The following ZNF282 variants were observed in gnomAD, a reference collection of about 807,000 sequenced individuals.
ZNF282 encodes the protein zinc finger protein 282, also known as HTLV-I U5 repressive element-binding protein 1.
ZNF282 carries 30 observed loss-of-function variants against 61.9 expected under a neutral mutation model. The observed-to-expected ratio is 0.48, with a 90% CI of 0.36 to 0.66. ZNF282 has a LOEUF of 0.66. Ranked by LOEUF, ZNF282 falls within the 30% of genes least tolerant of loss-of-function variation. The probability of loss-of-function intolerance (pLI) is 0.00; values close to 1 mark genes in which losing one functional copy is unlikely to be tolerated. For missense variants in ZNF282, 788 were observed against 941.4 expected, an observed-to-expected ratio of 0.84 and a Z score of 2.13; for synonymous variants, 396 against 405.0, an observed-to-expected ratio of 0.98 and a Z score of 0.27.
At chr7:149,201,926 T>A (rs1795917844) in intron 2 of ZNF282, among the ~76,000 whole-genome samples, 1 of 152,020 alleles carries the variant, frequency 6.6e-6, no homozygotes, top group African/African-American at 2.4e-5. Context: ...CGCCCCCAGC[T>A]CAGGGACTCT....
intron 2 of ZNF282, among the ~76,000 whole-genome samples, chr7:149,199,201 A>C (rs1038931671): frequency 6.6e-6 from 1 of 152,144 alleles, no homozygotes; most frequent in East Asian, 1.9e-4. Flanking sequence ...GGCCCTTCTT[A>C]AAGTTCAGAA....
intron 7 of ZNF282, among the ~76,000 whole-genome samples, chr7:149,217,142 G>T (rs561003499): frequency 6.6e-6 from 1 of 152,270 alleles, no homozygotes; most frequent in South Asian, 2.1e-4. Context: ...TCACTACATT[G>T]GGTTAAAACA....
intron 2 of ZNF282, among the ~76,000 whole-genome samples, chr7:149,206,182 C>G (rs922018272): frequency 1.7e-4 from 26 of 152,272 alleles, no homozygotes; most frequent in African/African-American, 5.8e-4. Context: ...ACTGTATGCT[C>G]CTTGATGATC....
At chr7:149,206,644 G>T (rs755150238) in intron 2 of ZNF282, 52 bp from the exon 3 acceptor site, 7 of 1,610,476 alleles carry the variant, frequency 4.3e-6, no homozygotes, top group Non-Finnish European at 5.1e-6. Flanking sequence ...AGAAGGGGAG[G>T]TGGTGGGGAG....
rs1795803603 is a variant in ZNF282 at position 149,195,689 on chromosome 7, G to A, written c.100G>A (p.Glu34Lys). 2 of 1,575,354 alleles carry A rather than the reference G, an allele frequency of 1.3e-6. No individual in the cohort carries two copies. The highest frequency in any genetic ancestry group is 1.7e-6 in the Non-Finnish European group (2 of 1,162,604). ...SWSWAQALPP[E>K]EVCHQEPALR... ...GAGCTGGGCCCAGGCTCTGCCCCCG[G>A]AGGAGGTCTGCCACCAGGAGCCGGC... The change falls in exon 1 of 8, where the codon GAG (glutamate) becomes AAG (lysine). Residue 34 changes from glutamate to lysine, a missense_variant. Around this residue, in one of 3 missense-constraint regions of ZNF282, gnomAD observed 137 missense variants for 135.4 expected, o/e 1.01. Transcript: ENST00000610704.
chr7:149,223,552 A>T (rs956140991), intron 7 of ZNF282, among the ~76,000 whole-genome samples: 12 of 152,128 alleles, frequency 7.9e-5, no homozygotes, highest in African/African-American at 2.9e-4. Flanking sequence ...CAGGTCCCCT[A>T]CCCCTTAGCC....
chr7:149,218,206 G>C (rs1202393), intron 7 of ZNF282, among the ~76,000 whole-genome samples: 1 of 152,024 alleles, frequency 6.6e-6, no homozygotes, highest in South Asian at 2.1e-4. Context: ...GATTGGCGGG[G>C]GGTGCGGAGC....
rs748170647 is a variant in ZNF282 at position 149,195,573 on chromosome 7, G to A, written c.-17G>A. 33 of 1,607,882 alleles carry A rather than the reference G, an allele frequency of 2.1e-5. No individual in the cohort carries two copies. Among genetic ancestry groups the A allele is most frequent in the East Asian group, 1.1e-4 (5 of 44,174 alleles). The stretch of plus-strand genomic sequence containing the variant: ...TCTTCTCCCTGGCCGACCCGAGCGG[G>A]GAACAGCACTCCCAGGATGCAGTTT... On this transcript the variant is annotated 5_prime_UTR_variant, in exon 1 of 8. Coordinates refer to ENST00000610704, the MANE Select transcript of ZNF282 (RefSeq NM_003575.4).
chr7:149,200,123 C>G (rs749753875), intron 2 of ZNF282, among the ~76,000 whole-genome samples: 1 of 152,164 alleles, frequency 6.6e-6, no homozygotes, highest in Non-Finnish European at 1.5e-5. Flanking sequence ...TTCAGTTTAT[C>G]TGGAAGGAAT....
rs368489947 is a variant in ZNF282 at position 149,206,829 on chromosome 7, A to C, written c.712+7A>C. ...AAAACCCTCATGTCCCTGGGTAAGG[A>C]CACCTTCTCTCCTCTTTGGTGAGCC... On this transcript the variant is annotated splice_region_variant and intron_variant, in intron 3 of 7. Transcript: ENST00000610704. The C allele has an allele frequency of 1.2e-4, 200 of 1,613,824 alleles. No homozygotes were observed. Among genetic ancestry groups the C allele is most frequent in the South Asian group, 3.5e-4 (32 of 91,086 alleles).
intron 4 of ZNF282, among the ~76,000 whole-genome samples, chr7:149,209,823 A>G (rs1396352358): frequency 6.6e-6 from 1 of 152,092 alleles, no homozygotes. Context: ...TGTAGAGGCT[A>G]TGTCCTTGTC....
rs1192701014 is a variant in ZNF282 at position 149,223,989 on chromosome 7, A to G, written c.1358A>G (p.Gln453Arg). The G allele has an allele frequency of 4.7e-6, 6 of 1,266,904 alleles. No homozygotes were observed. The highest frequency in any genetic ancestry group is 3.0e-4 in the Middle Eastern group (1 of 3,304). The allele number at this position is 1,266,904 out of a possible 1,614,324, so 78.5% of individuals were successfully genotyped here. A position where few individuals can be genotyped will look rare whatever the true frequency, so the allele number is the denominator to read the frequency against. Reference protein sequence around the residue: ...PSRGLLDDGFQVLPGERGSGE... With the variant: ...PSRGLLDDGFRVLPGERGSGE... ...CGAGGGCTGCTGGACGACGGTTTCC[A>G]GGTGCTGCCCGGGGAGCGTGGCTCC... Residue 453 changes from glutamine (Q) to arginine (R), a missense_variant, in exon 8 of 8, where the codon CAG (glutamine) becomes CGG (arginine). Physicochemically the swap from Gln to Arg is conservative, Grantham distance 43. Coordinates refer to ENST00000610704, the MANE Select transcript of ZNF282 (RefSeq NM_003575.4).
rs1224369071 is a variant in ZNF282, at chr7:149,212,375, C to T, written c.970C>T (p.Gln324Ter). ...GCAAGTAGACTCCCCAATTTCTGCC[C>T]AGGACCTCTTGTCCCGGATTAAACA... ...ESITDSPISA[Q>*]DLLSRIKQEE... The change falls in exon 6 of 8, where the codon CAG becomes TAG. Residue 324 changes from glutamine to a stop codon, truncating the protein, a stop_gained. Transcript: ENST00000610704. LOFTEE classifies it high-confidence loss of function. 3.7e-6 allele frequency: 6 copies of T among 1,611,544 alleles called. No individual in the cohort carries two copies. The highest frequency in any genetic ancestry group is 5.1e-6 in the Non-Finnish European group (6 of 1,179,106).
chr7:149,198,856 C>A lies in ZNF282; in HGVS notation c.585+104C>A. On this transcript the variant is annotated intron_variant, in intron 2 of 7. Coordinates refer to ENST00000610704, the MANE Select transcript of ZNF282 (RefSeq NM_003575.4). This position sits in a 1 kb window ranked among gnomAD's most constrained non-coding sequence, Gnocchi z 4.3. Reference sequence around the variant, plus strand: ...CCCTTCTCATAAACTTCTCTGGCTCCCCGTTATCCAATTTCAGTGTCTTCT... The same window carrying A: ...CCCTTCTCATAAACTTCTCTGGCTCACCGTTATCCAATTTCAGTGTCTTCT... 7.0e-7 allele frequency: 1 copy of A among 1,438,788 alleles called. No homozygotes were observed. The highest frequency in any genetic ancestry group is 9.3e-7 in the Non-Finnish European group (1 of 1,080,180). 89.1% of individuals were successfully genotyped at this position (1,438,788 alleles called of 1,614,324 possible).
At chr7:149,202,501 A>G (rs1049210513) in intron 2 of ZNF282, among the ~76,000 whole-genome samples, 1 of 151,542 alleles carries the variant, frequency 6.6e-6, no homozygotes, top group Non-Finnish European at 1.5e-5. Flanking sequence ...TTTTTAGTAG[A>G]GACGGGGTTT....
At chr7:149,208,172 TC>T (rs772479871) in intron 4 of ZNF282, among the ~76,000 whole-genome samples, 53 of 152,316 alleles carry the variant, frequency 3.5e-4, no homozygotes, top group Non-Finnish European at 6.5e-4. Context: ...GTCTGGGCCC[TC>T]TGTCCTCCCT....
rs148349879 is a variant in ZNF282, at chr7:149,213,775, G to A, written c.1141G>A (p.Asp381Asn). 65 of 1,613,798 alleles carry A rather than the reference G, an allele frequency of 4.0e-5. No homozygotes were observed. The highest frequency in any genetic ancestry group is 2.5e-4 in the Admixed American group (15 of 59,968). ...GCAGCCATACCCATGGGGACCACGC[G>A]ACTCAATGGACGGAGAGCTTGGATT... ...EEQPYPWGPR[D>N]SMDGELGLDS... The change falls in exon 7 of 8, where the codon GAC becomes AAC. Residue 381 changes from aspartate (D) to asparagine (N), a missense_variant. By Grantham distance (23) the Asp-to-Asn change is conservative. Coordinates refer to ENST00000610704, the MANE Select transcript of ZNF282 (RefSeq NM_003575.4).
chr7:149,218,780 T>C (rs193186821), intron 7 of ZNF282, among the ~76,000 whole-genome samples: 14 of 151,866 alleles, frequency 9.2e-5, no homozygotes, highest in Non-Finnish European at 1.8e-4. Context: ...CGTCATAATT[T>C]GCTAGAATGA....
At chr7:149,220,182 G>A (rs1329323181) in intron 7 of ZNF282, among the ~76,000 whole-genome samples, 2 of 152,174 alleles carry the variant, frequency 1.3e-5, no homozygotes. Context: ...GCCGAGACGG[G>A]CGGATCCTGA....
Sources: allele counts gnomAD v4.1 joint callset (sites outside exome capture counted in the v4.1 genomes callset), GRCh38; gene constraint gnomAD v4.1.1; regional missense constraint gnomAD v4.1.1; non-coding constraint Gnocchi (gnomAD v3.1); transcripts MANE v1.5; gene names NCBI Gene and HGNC (gene_info 2026-07-23, HGNC 2026-07-21).